Variants in DCLK2 observed in about 807,000 individuals in gnomAD.
The protein encoded by DCLK2 is serine/threonine-protein kinase DCLK2.
DCLK2 carries 31 observed loss-of-function variants against 78.4 expected under a neutral mutation model. The ratio of observed to expected loss-of-function variants is 0.40; its 90% confidence interval spans 0.30 to 0.53. DCLK2 has a LOEUF of 0.53. Among genes scored for constraint, DCLK2 ranks in the 20% least tolerant of loss-of-function variants. The pLI is 0.61. For synonymous variants in DCLK2, 407 were observed against 374.9 expected, an observed-to-expected ratio of 1.09 and a Z score of -0.99; for missense variants, 872 against 973.7, an observed-to-expected ratio of 0.90 and a Z score of 1.39.
chr4:150,203,740 C>G, intron 4 of DCLK2, 55 bp from the exon 5 acceptor site: 17 of 1,414,038 alleles, frequency 1.2e-5, no homozygotes, highest in Non-Finnish European at 1.7e-5. Context: ...TTTATACAGT[C>G]TGGTTGTTGT....
chr4:150,182,071 AG>A, intron 2 of DCLK2, among the ~76,000 whole-genome samples: 1 of 150,964 alleles, frequency 6.6e-6, no homozygotes, highest in Non-Finnish European at 1.5e-5. Flanking sequence ...TTTTCGAGAC[AG>A]GATCTCACTC....
chr4:150,186,587 C>T (rs983477002), intron 2 of DCLK2, among the ~76,000 whole-genome samples: 13 of 152,168 alleles, frequency 8.5e-5, no homozygotes, highest in Admixed American at 8.5e-4. Context: ...ATAGTAGGCA[C>T]TTGATTAATG....
intron 2 of DCLK2, among the ~76,000 whole-genome samples, chr4:150,103,905 G>C (rs1731054343): frequency 6.6e-6 from 1 of 152,062 alleles, no homozygotes; most frequent in Non-Finnish European, 1.5e-5. Flanking sequence ...AAATATGTGT[G>C]AATGATGATA....
intron 2 of DCLK2, among the ~76,000 whole-genome samples, chr4:150,156,020 A>G (rs984078879): frequency 1.3e-5 from 2 of 152,066 alleles, no homozygotes; most frequent in Non-Finnish European, 2.9e-5. Context: ...GTGAGGTAAA[A>G]GTCAAGGGAA....
chr4:150,214,117 A>T (rs1740508157), intron 5 of DCLK2, among the ~76,000 whole-genome samples: 1 of 152,206 alleles, frequency 6.6e-6, no homozygotes, highest in Non-Finnish European at 1.5e-5. Flanking sequence ...CAAAGACAAG[A>T]TTGTTTGGCT....
intron 2 of DCLK2, among the ~76,000 whole-genome samples, chr4:150,173,888 C>A (rs551090540): frequency 6.6e-6 from 1 of 152,196 alleles, no homozygotes; most frequent in East Asian, 1.9e-4. Flanking sequence ...GAGTAATATT[C>A]AAATTATTTA....
chr4:150,201,840 C>A (rs1739475431), intron 4 of DCLK2, among the ~76,000 whole-genome samples: 1 of 152,184 alleles, frequency 6.6e-6, no homozygotes, highest in African/African-American at 2.4e-5. Flanking sequence ...TTTAGTCTCA[C>A]CTCACCACAA....
intron 2 of DCLK2, among the ~76,000 whole-genome samples, chr4:150,190,417 A>C (rs1738367587): frequency 6.6e-6 from 1 of 152,212 alleles, no homozygotes; most frequent in Non-Finnish European, 1.5e-5. Flanking sequence ...TCCTAAACTG[A>C]TGAAAAAATG....
chr4:150,089,338 G>C (rs1356547393), intron 1 of DCLK2, among the ~76,000 whole-genome samples: 7 of 152,336 alleles, frequency 4.6e-5, no homozygotes, highest in Admixed American at 2.0e-4. Flanking sequence ...AAAGGAATGA[G>C]AGATTAAGGA....
At chr4:150,237,178 C>CT (rs1742574045) in intron 10 of DCLK2, among the ~76,000 whole-genome samples, 1 of 152,074 alleles carries the variant, frequency 6.6e-6, no homozygotes, top group Non-Finnish European at 1.5e-5. Context: ...ACTGTAATTA[C>CT]TTAGGAAATT....
intron 2 of DCLK2, among the ~76,000 whole-genome samples, chr4:150,141,339 G>A (rs950136216): frequency 2.6e-5 from 4 of 152,112 alleles, no homozygotes; most frequent in African/African-American, 4.8e-5. Context: ...AACTCAGTTC[G>A]TTTCTGCCAG....
chr4:150,193,156 T>A lies in DCLK2; in HGVS notation c.775T>A (p.Phe259Ile). The A allele has an allele frequency of 1.2e-6, 2 of 1,607,620 alleles. No homozygotes were observed. The highest frequency in any genetic ancestry group is 1.7e-6 in the Non-Finnish European group (2 of 1,175,648). ...DGKQVTCLQD[F>I]FGDDDVFIAC... ...TTCTCAGGTTACTTGTCTGCAAGAC[T>A]TTTTTGGTGATGACGATGTTTTTAT... The change falls in exon 3 of 16, where the codon TTT becomes ATT. Residue 259 changes from phenylalanine (F) to isoleucine (I), a missense_variant. By Grantham distance (21) the Phe-to-Ile change is conservative (BLOSUM62 0). This residue lies in a region of DCLK2 where 567 missense variants were observed against 593.4 expected (regional missense o/e 0.96). Transcript: ENST00000296550.
intron 1 of DCLK2, among the ~76,000 whole-genome samples, chr4:150,090,006 T>C (rs1406007658): frequency 1.3e-5 from 2 of 152,248 alleles, no homozygotes; most frequent in Non-Finnish European, 2.9e-5. Context: ...TGTTGATTCC[T>C]GGCATAGTTA....
At chr4:150,144,098 C>T (rs891573315) in intron 2 of DCLK2, among the ~76,000 whole-genome samples, 4 of 151,982 alleles carry the variant, frequency 2.6e-5, no homozygotes, top group African/African-American at 9.6e-5. Context: ...TTGGGGTGTT[C>T]GTCATAAATT....
chr4:150,130,960 G>A (rs1173206004), intron 2 of DCLK2, among the ~76,000 whole-genome samples: 1 of 152,118 alleles, frequency 6.6e-6, no homozygotes, highest in Non-Finnish European at 1.5e-5. Context: ...TTTCCTAAGG[G>A]GCCACTAAAT....
At chr4:150,223,253 A>G (rs905311727) in intron 7 of DCLK2, among the ~76,000 whole-genome samples, 2 of 152,202 alleles carry the variant, frequency 1.3e-5, no homozygotes, top group Admixed American at 6.5e-5. Context: ...TTTTTGTTAT[A>G]GGGAGAACAA....
At chr4:150,246,870 C>G (rs909604906) in intron 12 of DCLK2, among the ~76,000 whole-genome samples, 1 of 152,144 alleles carries the variant, frequency 6.6e-6, no homozygotes, top group East Asian at 1.9e-4. Flanking sequence ...GAGCTGCTGA[C>G]ATGGGTTTGC....
chr4:150,130,552 C>A (rs2150196429), intron 2 of DCLK2, among the ~76,000 whole-genome samples: 1 of 152,038 alleles, frequency 6.6e-6, no homozygotes, highest in Admixed American at 6.6e-5. Context: ...AATGTGAGGA[C>A]ATAGTAGGAA....
rs1353132206 is a variant in DCLK2, at chr4:150,232,479, T to G, written c.1419+23T>G. On this transcript the variant is annotated intron_variant, in intron 9 of 15. Coordinates refer to ENST00000296550, the MANE Select transcript of DCLK2 (RefSeq NM_001040260.4). ...AAAGTAAGAGGATAGAGAGATTTTC[T>G]TGGTGCCTAGTCCCACAATTTACAA... 4 of 1,611,264 alleles carry G rather than the reference T, an allele frequency of 2.5e-6. No homozygotes were observed. The African/African-American group carries it at 5.3e-5, about 22-fold the overall frequency.
Sources: allele counts gnomAD v4.1 joint callset (sites outside exome capture counted in the v4.1 genomes callset), GRCh38; gene constraint gnomAD v4.1.1; regional missense constraint gnomAD v4.1.1; transcripts MANE v1.5; gene names NCBI Gene and HGNC (gene_info 2026-07-23, HGNC 2026-07-21).